Variants in CHLSN observed in about 807,000 individuals in gnomAD.
CHLSN encodes cholesin.
At chr7:989,876 T>C in the CHLSN span, among the ~76,000 whole-genome samples, 2 of 124,648 alleles carry the variant, frequency 1.6e-5, no homozygotes, top group Non-Finnish European at 3.3e-5. Flanking sequence ...GGGGGCGGTG[T>C]GGTCGGCAGT....
At chr7:1,065,400 A>G in the CHLSN span, among the ~76,000 whole-genome samples, 2 of 152,258 alleles carry the variant, frequency 1.3e-5, no homozygotes, top group African/African-American at 4.8e-5. Context: ...AGAGCCCAAC[A>G]CTGGAAACAA....
the CHLSN span, among the ~76,000 whole-genome samples, chr7:1,039,518 G>A: frequency 3.5e-5 from 2 of 57,618 alleles, no homozygotes; most frequent in Non-Finnish European, 6.3e-5. Context: ...CCCTCTGCCC[G>A]GCCAGCCGCC....
chr7:1,009,799 G>T, the CHLSN span: 1 of 681,758 alleles, frequency 1.5e-6, no homozygotes, highest in African/African-American at 1.8e-5. Context: ...GACAGAAAGG[G>T]CAGCGGCGGC....
the CHLSN span, among the ~76,000 whole-genome samples, chr7:1,006,723 C>A: frequency 6.6e-6 from 1 of 150,834 alleles, no homozygotes. Flanking sequence ...ATGACGGTCA[C>A]AGCGCAGACA....
the CHLSN span, among the ~76,000 whole-genome samples, chr7:1,019,333 A>C: frequency 1.3e-5 from 2 of 151,802 alleles, no homozygotes; most frequent in South Asian, 4.2e-4. Context: ...CCTTGAGCTG[A>C]CAGGTCCGTG....
the CHLSN span, chr7:1,022,880 T>G: frequency 2.6e-6 from 1 of 391,946 alleles, no homozygotes; most frequent in Non-Finnish European, 5.3e-6. Flanking sequence ...GTCCAGGGGC[T>G]GCTACAAAGC....
the CHLSN span, among the ~76,000 whole-genome samples, chr7:1,070,514 C>CACATGCAT: frequency 4.6e-5 from 7 of 150,964 alleles, no homozygotes; most frequent in African/African-American, 1.7e-4. Flanking sequence ...CACACATGCA[C>CACATGCAT]ACATGCATAC....
chr7:1,015,579 G>A, the CHLSN span, among the ~76,000 whole-genome samples: 1 of 152,256 alleles, frequency 6.6e-6, no homozygotes, highest in African/African-American at 2.4e-5. Context: ...AAGGAGGGCA[G>A]AGTGGGGAGA....
At chr7:1,077,256 C>T in the CHLSN span, among the ~76,000 whole-genome samples, 1 of 152,214 alleles carries the variant, frequency 6.6e-6, no homozygotes, top group Non-Finnish European at 1.5e-5. Context: ...CCCGGGTTCA[C>T]ACCATTCTCC....
chr7:1,053,737 G>T, the CHLSN span, among the ~76,000 whole-genome samples: 1 of 152,228 alleles, frequency 6.6e-6, no homozygotes, highest in South Asian at 2.1e-4. Context: ...TGAGGCAGGA[G>T]AATCGCTTGA....
chr7:1,112,027 C>G, the CHLSN span, among the ~76,000 whole-genome samples: 1 of 152,230 alleles, frequency 6.6e-6, no homozygotes, highest in African/African-American at 2.4e-5. Flanking sequence ...ATGTATAACT[C>G]AGGAAAAATA....
chr7:1,130,203 G>C, the CHLSN span, among the ~76,000 whole-genome samples: 1 of 152,252 alleles, frequency 6.6e-6, no homozygotes. Flanking sequence ...CACCACGCCA[G>C]GACGGAGAAG....
chr7:1,058,831 T>A, the CHLSN span: 1 of 372,798 alleles, frequency 2.7e-6, no homozygotes. Flanking sequence ...GATGAAAGCT[T>A]AGAGCCAGTA....
chr7:1,093,160 T>C, the CHLSN span: 2 of 584,208 alleles, frequency 3.4e-6, no homozygotes, highest in African/African-American at 3.7e-5. Context: ...TGCCTGCCGC[T>C]GCACCTGCCT....
the CHLSN span, among the ~76,000 whole-genome samples, chr7:1,083,337 AGT>A: frequency 6.6e-6 from 1 of 152,180 alleles, no homozygotes; most frequent in South Asian, 2.1e-4. Context: ...AGAAGATGAG[AGT>A]GTGGGCCGGG....
At chr7:1,005,395 G>A in the CHLSN span, among the ~76,000 whole-genome samples, 239 of 152,364 alleles carry the variant, frequency 1.6e-3, no homozygotes, top group Middle Eastern at 0.041. Context: ...AAGCCGGCCC[G>A]CAGCCACAGC....
At chr7:1,081,428 A>T in the CHLSN span, among the ~76,000 whole-genome samples, 2 of 152,242 alleles carry the variant, frequency 1.3e-5, no homozygotes, top group African/African-American at 4.8e-5. Context: ...GAGCCCGGGC[A>T]GAAGAACCAG....
At chr7:1,120,351 G>C in the CHLSN span, among the ~76,000 whole-genome samples, 1 of 152,084 alleles carries the variant, frequency 6.6e-6, no homozygotes, top group South Asian at 2.1e-4. Context: ...TGTCACCCAG[G>C]CTGGAGTACA....
the CHLSN span, among the ~76,000 whole-genome samples, chr7:1,059,762 AGTGGGGCG>A: frequency 8.4e-3 from 659 of 78,650 alleles, 96 homozygotes; most frequent in Non-Finnish European, 0.011. Flanking sequence ...GGCAGGTCTT[AGTGGGGCG>A]GGTCCGTAAT....
Sources: gnomAD v4.1 joint callset for allele counts (sites outside exome capture counted in the v4.1 genomes callset) on GRCh38, gnomAD v4.1.1 for gene constraint, MANE v1.5 for transcripts, NCBI Gene and HGNC (gene_info 2026-07-23, HGNC 2026-07-21) for gene names.